Variants in BRD4 observed in about 807,000 individuals in gnomAD.
The protein encoded by BRD4 is bromodomain containing 4.
Under a neutral mutation model 142.1 loss-of-function variants are expected in BRD4, and 16 were observed. That is an observed-to-expected ratio of 0.11 (90% confidence interval 0.08 to 0.17). BRD4 has a LOEUF of 0.17. Among genes scored for constraint, BRD4 ranks in the 10% least tolerant of loss-of-function variants. The pLI is 1.00. For synonymous variants in BRD4, 833 were observed against 707.5 expected, an observed-to-expected ratio of 1.18 and a Z score of -2.82; for missense variants, 1,424 against 1,810.9, an observed-to-expected ratio of 0.79 and a Z score of 3.88.
chr19:15,274,582 G>C (rs2145630308), intron 1 of BRD4, among the ~76,000 whole-genome samples: 1 of 152,372 alleles, frequency 6.6e-6, no homozygotes, highest in South Asian at 2.1e-4. Flanking sequence ...CCAGCCACAA[G>C]GACACAGGCG....
rs1296550087 is a variant in BRD4 at position 15,237,891 on chromosome 19, C to T, written c.*486G>A. 1.7e-5 allele frequency: 4 copies of T among 237,752 alleles called. No individual in the cohort carries two copies. The highest frequency in any genetic ancestry group is 3.3e-5 in the Non-Finnish European group (4 of 121,202). The allele number at this position is 237,752 out of a possible 1,614,324, so 14.7% of individuals were successfully genotyped here. A position where few individuals can be genotyped will look rare whatever the true frequency, so the allele number is the denominator to read the frequency against. On this transcript the variant is annotated 3_prime_UTR_variant, in exon 20 of 20. Transcript: ENST00000679869. The stretch of plus-strand genomic sequence containing the variant: ...AGCGAGGGGGTGGGCCGGCCTCGCC[C>T]GCCTCCAGCCCACGCAGGCCTGCCC...
At chr19:15,320,971 C>T (rs953268826) in intron 1 of BRD4, among the ~76,000 whole-genome samples, 16 of 152,222 alleles carry the variant, frequency 1.1e-4, no homozygotes, top group African/African-American at 3.6e-4. Context: ...TAGTGGCTCA[C>T]GCCTGTAATC....
At position 15,244,385 on chromosome 19, in the gene BRD4, C is replaced by T. The variant is rs765321709; in HGVS notation, c.2427G>A (p.Glu809=). The T allele has an allele frequency of 5.6e-6, 9 of 1,604,064 alleles. No homozygotes were observed. The East Asian group carries it at 1.8e-4, about 32-fold the overall frequency. ...CAAAGACGCTGCCTGGGAGCTGGGG[C>T]TCCAGGACGGGCACCTGGGTGGCAA... ...PFIATQVPVL[E]PQLPGSVFDP... Residue 809 remains glutamate (E), a synonymous_variant, in exon 13 of 20, where the codon GAG becomes GAA. Transcript: ENST00000679869.
At chr19:15,302,265 A>AC (rs1033689261) in intron 1 of BRD4, among the ~76,000 whole-genome samples, 8 of 152,070 alleles carry the variant, frequency 5.3e-5, no homozygotes, top group African/African-American at 1.2e-4. Flanking sequence ...TGGTACAGAG[A>AC]CCCCCCAGGA....
intron 1 of BRD4, among the ~76,000 whole-genome samples, chr19:15,314,861 ATAAG>A (rs1182212282): frequency 6.6e-6 from 1 of 152,120 alleles, no homozygotes; most frequent in Non-Finnish European, 1.5e-5. Context: ...ACACTGTAAA[ATAAG>A]TAAGGTCTAG....
At chr19:15,315,063 C>G (rs1599521805) in intron 1 of BRD4, among the ~76,000 whole-genome samples, 1 of 152,036 alleles carries the variant, frequency 6.6e-6, no homozygotes, top group Admixed American at 6.6e-5. Flanking sequence ...GTCATCTATT[C>G]TATTTTGATT....
Position 15,243,395 on chromosome 19 carries a change from G to T in BRD4, c.2674C>A (p.Pro892Thr). ...PKPARPPAVS[P>T]ALTQTPLLPQ... ...AGCAGGGGTGTTTGGGTCAAGGCTG[G>T]TGACACGGCTGGGGGCCGGGCGGGC... Residue 892 changes from proline (P) to threonine (T), a missense_variant, in exon 14 of 20, where the codon CCA becomes ACA. Around this residue, in one of 16 missense-constraint regions of BRD4, gnomAD observed 598 missense variants for 647.8 expected, o/e 0.92. Transcript: ENST00000679869. 6.5e-7 allele frequency: 1 copy of T among 1,545,952 alleles called. No individual in the cohort carries two copies. The highest frequency in any genetic ancestry group is 8.7e-7 in the Non-Finnish European group (1 of 1,150,972).
chr19:15,330,922 C>G (rs1215345715), intron 1 of BRD4, among the ~76,000 whole-genome samples: 1 of 152,150 alleles, frequency 6.6e-6, no homozygotes, highest in Non-Finnish European at 1.5e-5. Context: ...ACAAAAAACT[C>G]CCGACCATTG....
At chr19:15,287,540 G>A (rs192754543) in intron 1 of BRD4, among the ~76,000 whole-genome samples, 1 of 151,674 alleles carries the variant, frequency 6.6e-6, no homozygotes, top group East Asian at 2.0e-4. Flanking sequence ...ACCACAACTG[G>A]GCGTTTCAGA....
chr19:15,251,480 C>A (rs1323647421), intron 11 of BRD4, among the ~76,000 whole-genome samples: 5 of 109,338 alleles, frequency 4.6e-5, no homozygotes, highest in Admixed American at 1.3e-4. Context: ...TGCAAATCAA[C>A]TAGGCACCAA....
intron 1 of BRD4, among the ~76,000 whole-genome samples, chr19:15,310,755 A>G (rs976270627): frequency 2.0e-5 from 3 of 149,936 alleles, no homozygotes; most frequent in Non-Finnish European, 4.4e-5. Flanking sequence ...TCGGCCTCCC[A>G]AAGTGCTAGG....
At chr19:15,321,652 C>G (rs574466253) in intron 1 of BRD4, among the ~76,000 whole-genome samples, 10 of 152,230 alleles carry the variant, frequency 6.6e-5, no homozygotes, top group South Asian at 6.2e-4. Flanking sequence ...CAACAAACTC[C>G]CTTCTGTTTC....
intron 1 of BRD4, among the ~76,000 whole-genome samples, chr19:15,289,605 C>A (rs1367142678): frequency 1.3e-5 from 2 of 151,722 alleles, no homozygotes; most frequent in African/African-American, 4.8e-5. Flanking sequence ...GGTATTACTT[C>A]CCACTCAAAA....
intron 1 of BRD4, among the ~76,000 whole-genome samples, chr19:15,315,972 C>T (rs1366671267): frequency 4.1e-5 from 6 of 146,278 alleles, no homozygotes; most frequent in East Asian, 4.2e-4. Flanking sequence ...TGGTCTAACT[C>T]GATGAAACCC....
chr19:15,326,586 A>G (rs189368526), intron 1 of BRD4, among the ~76,000 whole-genome samples: 5 of 152,360 alleles, frequency 3.3e-5, no homozygotes, highest in Admixed American at 3.3e-4. Flanking sequence ...AAATGGGATT[A>G]AGAGATCATT....
Position 15,239,386 on chromosome 19 carries a change from C to T in BRD4, c.3576+6G>A, listed in dbSNP as rs1380445748. 2 of 1,614,190 alleles carry T rather than the reference C, an allele frequency of 1.2e-6. No homozygotes were observed. Among genetic ancestry groups the T allele is most frequent in the East Asian group, 4.5e-5 (2 of 44,862 alleles). On this transcript the variant is annotated splice_donor_region_variant and intron_variant, in intron 17 of 19. Transcript: ENST00000679869. This position sits in a 1 kb window ranked among gnomAD's most constrained non-coding sequence, Gnocchi z 7.4. ...GCAAGCGACACCCATGGACCTCCAT[C>T]CCAACCTTTTTGGGCGCAACTGGAG...
intron 11 of BRD4, 95 bp downstream of exon 11, chr19:15,254,057 T>A (rs2047379312): frequency 9.4e-7 from 1 of 1,061,942 alleles, no homozygotes; most frequent in Admixed American, 2.0e-5. Flanking sequence ...GGGAGTGCCG[T>A]CTCTGGGCTC....
intron 1 of BRD4, among the ~76,000 whole-genome samples, chr19:15,297,396 A>G (rs182389922): frequency 6.6e-6 from 1 of 152,154 alleles, no homozygotes; most frequent in South Asian, 2.1e-4. Context: ...ACCTTCCTGA[A>G]TAAACAACGT....
chr19:15,253,738 T>TA, intron 11 of BRD4: 1 of 1,598,412 alleles, frequency 6.3e-7, no homozygotes, highest in Non-Finnish European at 8.5e-7. Context: ...GTGACTGTGA[T>TA]ACGGGGAAGG....
Sources: gnomAD v4.1 joint callset for allele counts (sites outside exome capture counted in the v4.1 genomes callset) on GRCh38, gnomAD v4.1.1 for gene constraint, gnomAD v4.1.1 regional missense constraint, Gnocchi (gnomAD v3.1) non-coding constraint, MANE v1.5 for transcripts, NCBI Gene and HGNC (gene_info 2026-07-23, HGNC 2026-07-21) for gene names.